Variants in CECR2 observed in about 807,000 individuals in gnomAD.
CECR2 encodes the protein chromatin remodeling regulator CECR2.
Under a neutral mutation model 154.5 loss-of-function variants are expected in CECR2, and 30 were observed. The observed-to-expected ratio is 0.19, with a 90% confidence interval of 0.15 to 0.26. CECR2 has a LOEUF of 0.26. Among genes scored for constraint, CECR2 ranks in the 10% least tolerant of loss-of-function variants. CECR2 has a pLI of 1.00. For missense variants in CECR2, 1,743 were observed against 1,829.3 expected (o/e 0.95, Z 0.86); for synonymous variants, 725 against 683.7 (o/e 1.06, Z -0.94).
At chr22:17,426,877 A>T (rs917883030) in intron 1 of CECR2, among the ~76,000 whole-genome samples, 46 of 151,750 alleles carry the variant, frequency 3.0e-4, no homozygotes, top group African/African-American at 6.5e-4. Flanking sequence ...TTTTTTTTTT[A>T]AATTATACTT....
intron 9 of CECR2, among the ~76,000 whole-genome samples, chr22:17,527,865 A>G (rs2056291334): frequency 6.6e-6 from 1 of 152,210 alleles, no homozygotes; most frequent in Non-Finnish European, 1.5e-5. Flanking sequence ...ATGAGATATC[A>G]TCTTACACAG....
rs184910032 is a variant in CECR2 at position 17,539,772 on chromosome 22, T to C, written c.1496-640T>C. ...TGCTTAAAAACAGCAGATTCAGCCA[T>C]TTTTTATTTAGTATTTCTGCAGTTT... On this transcript the variant is annotated intron_variant, in intron 13 of 18. Transcript: ENST00000262608. Among the ~76,000 whole-genome samples, 293 of 152,304 alleles carry C rather than the reference T, an allele frequency of 1.9e-3. 3 individuals carry two copies. The highest frequency in any genetic ancestry group is 6.6e-3 in the African/African-American group (275 of 41,570).
chr22:17,391,315 G>T (rs545903426), intron 1 of CECR2, among the ~76,000 whole-genome samples: 1 of 152,322 alleles, frequency 6.6e-6, no homozygotes, highest in African/African-American at 2.4e-5. Flanking sequence ...TTTTTAGGCA[G>T]GCTGAAGCCA....
chr22:17,370,517 A>G (rs1428762193), intron 1 of CECR2, among the ~76,000 whole-genome samples: 1 of 152,022 alleles, frequency 6.6e-6, no homozygotes. Flanking sequence ...GTGGAAGGAA[A>G]GTTTGGGACT....
intron 1 of CECR2, among the ~76,000 whole-genome samples, chr22:17,379,352 TAAAG>T (rs931548483): frequency 3.3e-5 from 5 of 152,106 alleles, no homozygotes; most frequent in Admixed American, 6.6e-5. Flanking sequence ...CTGAGGCTGA[TAAAG>T]AAAGGCCTTC....
At position 17,548,846 on chromosome 22, in the gene CECR2, C is replaced by T; in HGVS notation, c.3559C>T (p.His1187Tyr). 1 of 1,613,522 alleles carries T rather than the reference C, an allele frequency of 6.2e-7. No individual in the cohort carries two copies. Among genetic ancestry groups the T allele is most frequent in the Non-Finnish European group, 8.5e-7 (1 of 1,179,652 alleles). Residue 1187 changes from histidine (H) to tyrosine (Y), a missense_variant, in exon 17 of 19, where the codon CAC (histidine) becomes TAC (tyrosine). This residue lies in a region of CECR2 where 1,250 missense variants were observed against 1,192.1 expected (regional missense o/e 1.05). Transcript: ENST00000262608. ...CCCACAAGGAATGAGGTATTCCTAC[C>T]ACCCACCGCCACAGCCTTCCTACCA... is the stretch of plus-strand genomic sequence containing the variant. Reference protein sequence around the residue: ...RPPQGMRYSYHPPPQPSYHHY... With the variant: ...RPPQGMRYSYYPPPQPSYHHY...
intron 1 of CECR2, among the ~76,000 whole-genome samples, chr22:17,379,016 G>A (rs1432211328): frequency 6.6e-6 from 1 of 152,114 alleles, no homozygotes; most frequent in Non-Finnish European, 1.5e-5. Context: ...GAGTGCAGTG[G>A]TGCGATCTCG....
intron 1 of CECR2, among the ~76,000 whole-genome samples, chr22:17,470,000 C>T (rs745333099): frequency 6.6e-6 from 1 of 152,230 alleles, no homozygotes; most frequent in Admixed American, 6.5e-5. Flanking sequence ...GAGCCTGGCA[C>T]ATAGTATGCC....
At chr22:17,547,117 G>C (rs745958765) in intron 16 of CECR2, among the ~76,000 whole-genome samples, 2 of 151,036 alleles carry the variant, frequency 1.3e-5, no homozygotes, top group Non-Finnish European at 2.9e-5. Flanking sequence ...TGTAGTCTTA[G>C]TTAAGACCTT....
At chr22:17,410,200 C>A (rs5992043) in intron 1 of CECR2, among the ~76,000 whole-genome samples, 70,677 of 151,448 alleles carry the variant, frequency 0.47, 17,250 homozygotes, top group Non-Finnish European at 0.54. Flanking sequence ...CAGGGTCTTG[C>A]ACTCCTGACC....
chr22:17,549,140 G>C lies in CECR2; in HGVS notation c.3853G>C (p.Glu1285Gln). Residue 1285 changes from glutamate to glutamine, a missense_variant, in exon 17 of 19, where the codon GAA (glutamate) becomes CAA (glutamine). This residue lies in a region of CECR2 where 1,250 missense variants were observed against 1,192.1 expected (regional missense o/e 1.05). Coordinates refer to ENST00000262608, the MANE Select transcript of CECR2 (RefSeq NM_001290047.2). ...NPGPEEEKLDESMERPESPKE... is the reference protein window; with the variant it reads ...NPGPEEEKLDQSMERPESPKE... ...TGGTCCAGAGGAAGAGAAGCTGGAT[G>C]AATCTATGGAGAGGCCAGAGAGTCC... 1 of 1,614,048 alleles carries C rather than the reference G, an allele frequency of 6.2e-7. No homozygotes were observed. Among genetic ancestry groups the C allele is most frequent in the Non-Finnish European group, 8.5e-7 (1 of 1,179,898 alleles).
chr22:17,492,576 T>C (rs1438543289), intron 2 of CECR2, among the ~76,000 whole-genome samples: 1 of 152,190 alleles, frequency 6.6e-6, no homozygotes, highest in Non-Finnish European at 1.5e-5. Context: ...TTTCTTGCTC[T>C]TTCACTCATA....
chr22:17,499,268 C>T (rs1005849324), intron 3 of CECR2, 142 bp from the exon 4 acceptor site: 9 of 925,314 alleles, frequency 9.7e-6, no homozygotes, highest in African/African-American at 1.7e-5. Flanking sequence ...GGATTACAGG[C>T]GTGAGCCACC....
chr22:17,379,340 A>T (rs1177327761), intron 1 of CECR2, among the ~76,000 whole-genome samples: 1 of 152,176 alleles, frequency 6.6e-6, no homozygotes, highest in African/African-American at 2.4e-5. Flanking sequence ...CTGTGAAGCT[A>T]ACTGAGGCTG....
chr22:17,475,891 T>C (rs2055200163), intron 1 of CECR2, among the ~76,000 whole-genome samples: 1 of 151,992 alleles, frequency 6.6e-6, no homozygotes, highest in African/African-American at 2.4e-5. Context: ...TTGCTTGGGC[T>C]AACATCTCCC....
At chr22:17,415,480 G>A (rs559633928) in intron 1 of CECR2, among the ~76,000 whole-genome samples, 75 of 152,274 alleles carry the variant, frequency 4.9e-4, no homozygotes, top group African/African-American at 1.7e-3. Context: ...GGGCTCAAGC[G>A]ATCTTCCTGC....
At chr22:17,470,297 G>A (rs1364140311) in intron 1 of CECR2, among the ~76,000 whole-genome samples, 2 of 151,170 alleles carry the variant, frequency 1.3e-5, no homozygotes, top group Non-Finnish European at 2.9e-5. Context: ...AAATAGCTGG[G>A]CATGGTGGTG....
chr22:17,406,550 A>C (rs1400163333), intron 1 of CECR2, among the ~76,000 whole-genome samples: 1 of 152,108 alleles, frequency 6.6e-6, no homozygotes, highest in Admixed American at 6.6e-5. Flanking sequence ...CCTCCAAAAA[A>C]AAGAAAAGAA....
chr22:17,447,809 G>A (rs2401123), intron 1 of CECR2, among the ~76,000 whole-genome samples: 45,477 of 151,828 alleles, frequency 0.3, 9,767 homozygotes, highest in African/African-American at 0.58. Context: ...ACTGGCAGCT[G>A]TGTAAGTTTA....
Sources: gnomAD v4.1 joint callset for allele counts (sites outside exome capture counted in the v4.1 genomes callset) on GRCh38, gnomAD v4.1.1 for gene constraint, gnomAD v4.1.1 regional missense constraint, MANE v1.5 for transcripts, NCBI Gene and HGNC (gene_info 2026-07-23, HGNC 2026-07-21) for gene names.